The following EPHA5 variants were observed in gnomAD, a reference collection of about 807,000 sequenced individuals.
EPHA5 encodes EPH receptor A5.
EPHA5 carries 60 observed loss-of-function variants against 105.0 expected under a neutral mutation model. The ratio of observed to expected loss-of-function variants is 0.57; its 90% CI spans 0.46 to 0.71. The LOEUF is 0.71. Ranked by LOEUF, EPHA5 falls within the 30% of genes least tolerant of loss-of-function variation. The pLI is 0.00. For synonymous variants in EPHA5, 513 were observed against 449.1 expected (o/e 1.14, Z -1.80); for missense variants, 1,218 against 1,274.7 (o/e 0.96, Z 0.68).
At position 65,468,692 on chromosome 4, in the gene EPHA5, A is replaced by AAT. The variant is rs573097334; in HGVS notation, c.1402+21683_1402+21684dup. On this transcript the variant is annotated intron_variant, in intron 5 of 16. Transcript: ENST00000613740. ...ATAACATATATACATATATATATAA[A>AAT]ATATATATATATATAAAACAAGGTT... Among the ~76,000 whole-genome samples, 524 of 139,022 alleles carry AAT rather than the reference A, an allele frequency of 3.8e-3. 8 individuals are homozygous for AAT. Among genetic ancestry groups the AAT allele is most frequent in the African/African-American group, 0.013 (475 of 37,862 alleles). 91.2% of individuals were successfully genotyped at this position (139,022 alleles called of 152,430 possible).
intron 5 of EPHA5, among the ~76,000 whole-genome samples, chr4:65,462,407 T>C (rs1578170198): frequency 6.6e-6 from 1 of 152,336 alleles, no homozygotes; most frequent in East Asian, 1.9e-4. Context: ...CCAAATTTGA[T>C]GACAGAAAAA....
At chr4:65,611,715 T>C (rs552774674) in intron 2 of EPHA5, among the ~76,000 whole-genome samples, 4 of 152,198 alleles carry the variant, frequency 2.6e-5, no homozygotes, top group African/African-American at 7.2e-5. Flanking sequence ...CATAAATCAA[T>C]TCTATATCTC....
At chr4:65,368,976 CT>C (rs1388271900) in intron 8 of EPHA5, among the ~76,000 whole-genome samples, 1 of 152,062 alleles carries the variant, frequency 6.6e-6, no homozygotes, top group Non-Finnish European at 1.5e-5. Flanking sequence ...AGTATTTTCC[CT>C]TTGGAGCACA....
intron 8 of EPHA5, among the ~76,000 whole-genome samples, chr4:65,375,788 C>T (rs1718941303): frequency 1.4e-5 from 1 of 69,706 alleles, no homozygotes; most frequent in Non-Finnish European, 2.7e-5. Context: ...CACACACATA[C>T]ACACACACAC....
chr4:65,373,340 T>G (rs2148910556), intron 8 of EPHA5, among the ~76,000 whole-genome samples: 1 of 152,024 alleles, frequency 6.6e-6, no homozygotes, highest in Admixed American at 6.6e-5. Flanking sequence ...GTTCTAGAAT[T>G]ATTACAAAGG....
chr4:65,366,211 C>T lies in EPHA5; in HGVS notation c.1862-154G>A, dbSNP rs114418622. Among the ~76,000 whole-genome samples the T allele has an allele frequency of 1.6e-3, 244 of 151,866 alleles. 1 individual carries two copies. Among genetic ancestry groups the T allele is most frequent in the African/African-American group, 5.5e-3 (227 of 41,486 alleles). On this transcript the variant is annotated intron_variant, in intron 9 of 16. Coordinates refer to ENST00000613740, the MANE Select transcript of EPHA5 (RefSeq NM_001281766.3). ...CTCTCCTGAGTTACAGTTGTTTGTA[C>T]AACTATATCAGTTTTATAATTTCAG...
chr4:65,452,581 C>CAA (rs34579426), intron 5 of EPHA5, among the ~76,000 whole-genome samples: 97 of 139,924 alleles, frequency 6.9e-4, no homozygotes, highest in African/African-American at 2.1e-3. Flanking sequence ...GCTAAAATAC[C>CAA]AAAAAAAAAA....
At position 65,583,046 on chromosome 4, in the gene EPHA5, G is replaced by T. The variant is rs189043335; in HGVS notation, c.910+18595C>A. ...ATTCTTATTAAATTTTAGGCAATAG[G>T]TATGTATTCTTACTTGCAAGTGTAC... On this transcript the variant is annotated intron_variant, in intron 3 of 16. Coordinates refer to ENST00000613740, the MANE Select transcript of EPHA5 (RefSeq NM_001281766.3). Among the ~76,000 whole-genome samples, 125 of 151,474 alleles carry T rather than the reference G, an allele frequency of 8.3e-4. 1 individual carries two copies. Among genetic ancestry groups the T allele is most frequent in the Admixed American group, 7.1e-3 (108 of 15,156 alleles).
intron 8 of EPHA5, among the ~76,000 whole-genome samples, chr4:65,379,276 TACAC>T (rs35953627): frequency 1.3e-5 from 2 of 149,908 alleles, no homozygotes; most frequent in Admixed American, 6.7e-5. Flanking sequence ...AGTATGCACA[TACAC>T]ACACACACAC....
At chr4:65,354,181 C>T (rs1723090297) in intron 11 of EPHA5, among the ~76,000 whole-genome samples, 1 of 151,708 alleles carries the variant, frequency 6.6e-6, no homozygotes, top group Admixed American at 6.6e-5. Flanking sequence ...AAAATAGTTC[C>T]TATTACTCAG....
intron 3 of EPHA5, among the ~76,000 whole-genome samples, chr4:65,503,668 C>G (rs1169674557): frequency 4.0e-5 from 6 of 151,636 alleles, no homozygotes; most frequent in Non-Finnish European, 8.9e-5. Flanking sequence ...ATTCATTCAT[C>G]TACAATATGT....
At chr4:65,375,839 GC>G (rs1346444308) in intron 8 of EPHA5, among the ~76,000 whole-genome samples, 2 of 150,710 alleles carry the variant, frequency 1.3e-5, no homozygotes, top group Non-Finnish European at 1.5e-5. Context: ...TTATACTATA[GC>G]TTTTACCAGA....
Position 65,615,882 on chromosome 4 carries a change from A to G in EPHA5, c.247-13578T>C, listed in dbSNP as rs550873293. On this transcript the variant is annotated intron_variant, in intron 2 of 16. Transcript: ENST00000613740. ...AGGCACATGGATAACAGGAAATTTC[A>G]TATTAAATTAAATCTGAAATTGCCA... 4.6e-5 allele frequency among the ~76,000 whole-genome samples: 7 copies of G among 152,062 alleles called. No individual in the cohort carries two copies. In the South Asian group the frequency reaches 1.4e-3, roughly 31 times the overall value.
At position 65,404,438 on chromosome 4, in the gene EPHA5, C is replaced by A. The variant is rs142184664; in HGVS notation, c.1729G>T (p.Ala577Ser). Residue 577 changes from alanine (A) to serine (S), a missense_variant, in exon 8 of 17, where the codon GCT becomes TCT. Transcript: ENST00000613740. ...ATGACTCCCACTGTCACAGACACAG[C>A]AATTACAGGAATCTGGCTTTGATCG... is the stretch of plus-strand genomic sequence containing the variant. ...SSDQSQIPVI[A>S]VSVTVGVILL... is the part of the protein sequence containing the mutation. 47 of 1,613,746 alleles carry A rather than the reference C, an allele frequency of 2.9e-5. No homozygotes were observed. The African/African-American group carries it at 4.4e-4, about 15-fold the overall frequency.
intron 3 of EPHA5, among the ~76,000 whole-genome samples, chr4:65,554,326 C>T (rs1410626688): frequency 2.0e-5 from 3 of 150,028 alleles, no homozygotes; most frequent in Admixed American, 6.7e-5. Flanking sequence ...TTACATGGGG[C>T]TTTATTATGT....
At chr4:65,653,691 T>A (rs976904493) in intron 1 of EPHA5, among the ~76,000 whole-genome samples, 4 of 151,994 alleles carry the variant, frequency 2.6e-5, no homozygotes, top group Admixed American at 6.6e-5. Flanking sequence ...ACTGCAGTAG[T>A]TGGCTATTTG....
At chr4:65,580,414 G>A (rs1451686732) in intron 3 of EPHA5, among the ~76,000 whole-genome samples, 1 of 151,706 alleles carries the variant, frequency 6.6e-6, no homozygotes, top group Non-Finnish European at 1.5e-5. Context: ...AAATTTTCAA[G>A]TTTAACATAA....
chr4:65,362,730 T>C (rs1434516881), intron 11 of EPHA5, among the ~76,000 whole-genome samples: 1 of 151,686 alleles, frequency 6.6e-6, no homozygotes, highest in Non-Finnish European at 1.5e-5. Context: ...GTTTGTATTA[T>C]TACAAGAAGT....
chr4:65,551,330 C>T (rs899014113), intron 3 of EPHA5, among the ~76,000 whole-genome samples: 12 of 145,522 alleles, frequency 8.2e-5, no homozygotes, highest in African/African-American at 3.0e-4. Flanking sequence ...ATTATCTAAA[C>T]CTATTTATGT....
Sources: allele counts gnomAD v4.1 joint callset (sites outside exome capture counted in the v4.1 genomes callset), GRCh38; gene constraint gnomAD v4.1.1; transcripts MANE v1.5; gene names NCBI Gene and HGNC (gene_info 2026-07-23, HGNC 2026-07-21).